Variants in STXBP5L observed in about 807,000 individuals in gnomAD.
STXBP5L encodes the protein syntaxin-binding protein 5-like.
Under a neutral mutation model 144.5 loss-of-function variants are expected in STXBP5L, and 65 were observed. The ratio of observed to expected loss-of-function variants is 0.45; its 90% CI spans 0.37 to 0.55. The LOEUF (loss-of-function observed/expected upper bound fraction) is 0.55, where lower values mean the gene tolerates loss of function less well. Among genes scored for constraint, STXBP5L ranks in the 20% least tolerant of loss-of-function variants. The pLI is 0.00. For synonymous variants in STXBP5L, 505 were observed against 469.6 expected (o/e 1.08, Z -0.97); for missense variants, 1,298 against 1,405.5 (o/e 0.92, Z 1.22).
At chr3:121,185,414 G>A (rs925488199) in intron 9 of STXBP5L, among the ~76,000 whole-genome samples, 1 of 152,060 alleles carries the variant, frequency 6.6e-6, no homozygotes, top group Admixed American at 6.5e-5. Flanking sequence ...TTTCTTCTAG[G>A]GTTTTTATGG....
intron 3 of STXBP5L, among the ~76,000 whole-genome samples, chr3:121,005,359 C>G (rs565191360): frequency 5.3e-5 from 8 of 152,168 alleles, no homozygotes; most frequent in Admixed American, 2.0e-4. Flanking sequence ...ATAGTATTCT[C>G]TGATGGTAGT....
rs1338814475 is a variant in STXBP5L at position 121,045,598 on chromosome 3, T to G, written c.470+63T>G. 4.1e-6 allele frequency: 6 copies of G among 1,456,294 alleles called. No individual in the cohort carries two copies. The African/African-American group carries it at 7.1e-5, about 17-fold the overall frequency. The allele number at this position is 1,456,294 out of a possible 1,614,324, so 90.2% of individuals were successfully genotyped here. ...ACAAAATTATTTCCTGAGCAAGTTT[T>G]TGTTAACTTGACAGGCTTTTTTCCT... On this transcript the variant is annotated intron_variant, in intron 5 of 26. Coordinates refer to ENST00000471454, the MANE Select transcript of STXBP5L (RefSeq NM_001308330.2).
intron 2 of STXBP5L, among the ~76,000 whole-genome samples, chr3:120,913,034 C>G (rs1046576289): frequency 2.0e-5 from 3 of 151,958 alleles, no homozygotes; most frequent in African/African-American, 7.2e-5. Flanking sequence ...GAGACTAGCT[C>G]TGACCACTGC....
intron 3 of STXBP5L, among the ~76,000 whole-genome samples, chr3:121,027,127 A>G (rs902688225): frequency 2.6e-5 from 4 of 151,818 alleles, no homozygotes; most frequent in African/African-American, 7.3e-5. Flanking sequence ...GTATATGTGT[A>G]TGTGTGTTTA....
intron 3 of STXBP5L, among the ~76,000 whole-genome samples, chr3:121,032,107 A>C (rs1946411529): frequency 6.6e-6 from 1 of 152,128 alleles, no homozygotes; most frequent in Non-Finnish European, 1.5e-5. Flanking sequence ...TTGGAATCAT[A>C]AACATATAAT....
intron 5 of STXBP5L, among the ~76,000 whole-genome samples, chr3:121,055,857 AT>A (rs5852260): frequency 0.2 from 27,532 of 137,308 alleles, 2,479 homozygotes; most frequent in African/African-American, 0.25. Flanking sequence ...ACTAATGTTA[AT>A]TTTTTTTTTT....
At chr3:121,129,098 TAGAC>T (rs2044853101) in intron 7 of STXBP5L, among the ~76,000 whole-genome samples, 1 of 152,070 alleles carries the variant, frequency 6.6e-6, no homozygotes, top group South Asian at 2.1e-4. Context: ...ACCCAGTTGA[TAGAC>T]GGAGTTTTGG....
chr3:121,410,416 A>C (rs1025356402), intron 23 of STXBP5L, among the ~76,000 whole-genome samples: 1 of 152,082 alleles, frequency 6.6e-6, no homozygotes, highest in African/African-American at 2.4e-5. Flanking sequence ...ATACATATAC[A>C]TAAAGTGTAG....
At chr3:121,109,774 A>T (rs1270510680) in intron 5 of STXBP5L, among the ~76,000 whole-genome samples, 2 of 152,202 alleles carry the variant, frequency 1.3e-5, no homozygotes, top group Non-Finnish European at 2.9e-5. Context: ...GATTCTTATC[A>T]ACTTTCTGTG....
intron 2 of STXBP5L, among the ~76,000 whole-genome samples, chr3:120,910,216 A>G (rs1708758728): frequency 6.6e-6 from 1 of 152,236 alleles, no homozygotes; most frequent in South Asian, 2.1e-4. Context: ...ATTGCTTTAA[A>G]ATTCCGAATA....
chr3:120,937,473 C>G (rs1710322356), intron 2 of STXBP5L, among the ~76,000 whole-genome samples: 1 of 152,152 alleles, frequency 6.6e-6, no homozygotes, highest in South Asian at 2.1e-4. Flanking sequence ...ATCACTGTAG[C>G]TCGAACCCTG....
At chr3:121,321,417 TA>T (rs2043965507) in intron 20 of STXBP5L, among the ~76,000 whole-genome samples, 2 of 152,250 alleles carry the variant, frequency 1.3e-5, no homozygotes, top group Admixed American at 6.5e-5. Flanking sequence ...TTAATTGTGC[TA>T]TATTAGAGGG....
chr3:121,216,647 A>G (rs1005683858), intron 10 of STXBP5L, among the ~76,000 whole-genome samples: 1 of 152,178 alleles, frequency 6.6e-6, no homozygotes, highest in African/African-American at 2.4e-5. Flanking sequence ...TCTCCCAATC[A>G]GGAGGCATGG....
intron 7 of STXBP5L, among the ~76,000 whole-genome samples, chr3:121,137,322 A>C (rs1259258770): frequency 1.3e-5 from 2 of 152,146 alleles, no homozygotes; most frequent in African/African-American, 4.8e-5. Context: ...AAGAATGAAG[A>C]CCAAATAAAT....
intron 5 of STXBP5L, among the ~76,000 whole-genome samples, chr3:121,063,092 G>C (rs1232610321): frequency 2.0e-5 from 3 of 152,112 alleles, no homozygotes; most frequent in Non-Finnish European, 4.4e-5. Context: ...GAGTCATTCT[G>C]GTTCTTGGAA....
chr3:121,004,146 G>T (rs887262299), intron 3 of STXBP5L, among the ~76,000 whole-genome samples: 1 of 152,118 alleles, frequency 6.6e-6, no homozygotes, highest in Non-Finnish European at 1.5e-5. Context: ...TGGGCAGTAT[G>T]GCCATTTTCA....
intron 3 of STXBP5L, among the ~76,000 whole-genome samples, chr3:121,038,282 A>T (rs995877800): frequency 9.2e-5 from 14 of 151,982 alleles, no homozygotes; most frequent in African/African-American, 3.4e-4. Context: ...AAAGCTCTAA[A>T]TTTTTCTCAA....
intron 20 of STXBP5L, 69 bp downstream of exon 20, chr3:121,318,609 A>G: frequency 9.1e-7 from 1 of 1,095,768 alleles, no homozygotes; most frequent in South Asian, 2.1e-5. Flanking sequence ...TATTTTCATG[A>G]TCTTTATAAT....
chr3:121,051,083 A>G lies in STXBP5L; in HGVS notation c.470+5548A>G, dbSNP rs562770034. 9.5e-4 allele frequency among the ~76,000 whole-genome samples: 145 copies of G among 152,328 alleles called. 1 individual carries two copies. Among genetic ancestry groups the G allele is most frequent in the African/African-American group, 3.1e-3 (129 of 41,566 alleles). On this transcript the variant is annotated intron_variant, in intron 5 of 26. Transcript: ENST00000471454. Reference sequence around the variant, plus strand: ...AATACAGGAGCACCCAGATTCATAAAGGAAGTCCTGAGTGACCTACAAAGA... The same window carrying G: ...AATACAGGAGCACCCAGATTCATAAGGGAAGTCCTGAGTGACCTACAAAGA...
Sources: allele counts gnomAD v4.1 joint callset (sites outside exome capture counted in the v4.1 genomes callset), GRCh38; gene constraint gnomAD v4.1.1; transcripts MANE v1.5; gene names NCBI Gene and HGNC (gene_info 2026-07-23, HGNC 2026-07-21).